The following CEP112 variants were observed in gnomAD, a reference collection of about 807,000 sequenced individuals.
The protein encoded by CEP112 is centrosomal protein 112, also known as centrosomal protein of 112 kDa.
CEP112 carries 127 observed loss-of-function variants against 153.0 expected under a neutral mutation model. The ratio of observed to expected loss-of-function variants is 0.83; its 90% CI spans 0.72 to 0.96. CEP112 has a LOEUF of 0.96. Ranked by LOEUF, CEP112 falls within the 40% of genes least tolerant of loss-of-function variation. The probability of loss-of-function intolerance (pLI) is 0.00; values close to 1 mark genes in which losing one functional copy is unlikely to be tolerated. For missense variants in CEP112, 1,089 were observed against 1,101.2 expected, an observed-to-expected ratio of 0.99 and a Z score of 0.16; for synonymous variants, 358 against 374.4, an observed-to-expected ratio of 0.96 and a Z score of 0.51.
chr17:65,644,461 G>T (rs1598174522), intron 24 of CEP112: 1 of 381,948 alleles, frequency 2.6e-6, no homozygotes, highest in Admixed American at 3.4e-5. Flanking sequence ...TGAGGATTCG[G>T]TCTTCTCACG....
chr17:66,036,813 C>A (rs751940271), intron 12 of CEP112, among the ~76,000 whole-genome samples: 46 of 152,244 alleles, frequency 3.0e-4, no homozygotes, highest in Non-Finnish European at 5.1e-4. Context: ...TGCAAAAATA[C>A]CTCGGGTAGA....
intron 24 of CEP112, among the ~76,000 whole-genome samples, chr17:65,641,987 T>TA (rs1338565196): frequency 5.9e-5 from 9 of 151,762 alleles, no homozygotes; most frequent in African/African-American, 1.2e-4. Context: ...ACTGGGCTAG[T>TA]AAAAAAAATA....
chr17:66,007,623 G>C (rs2064329638), intron 16 of CEP112, among the ~76,000 whole-genome samples: 1 of 152,068 alleles, frequency 6.6e-6, no homozygotes, highest in African/African-American at 2.4e-5. Context: ...CTAATACAAA[G>C]ATCCTGGAAA....
intron 4 of CEP112, among the ~76,000 whole-genome samples, chr17:66,155,197 A>T (rs1439261296): frequency 6.6e-6 from 1 of 152,172 alleles, no homozygotes; most frequent in East Asian, 1.9e-4. Context: ...TACCCGGCTA[A>T]TCTCACTGGG....
intron 21 of CEP112, among the ~76,000 whole-genome samples, chr17:65,789,584 G>T (rs1377013841): frequency 6.6e-6 from 1 of 151,734 alleles, no homozygotes; most frequent in Admixed American, 6.6e-5. Context: ...CCAGACTTTA[G>T]TTCCCTGAAT....
At chr17:65,804,411 GC>G (rs1461048945) in intron 21 of CEP112, 1 of 152,124 alleles carries the variant, frequency 6.6e-6, no homozygotes, top group Non-Finnish European at 1.5e-5. Context: ...TATGTTTGAA[GC>G]CCCATATCGA....
At chr17:66,134,078 G>C (rs889935444) in intron 4 of CEP112, among the ~76,000 whole-genome samples, 1 of 151,738 alleles carries the variant, frequency 6.6e-6, no homozygotes, top group Non-Finnish European at 1.5e-5. Context: ...TATGAGGAGA[G>C]GTAACCTGAT....
chr17:65,985,831 T>A (rs1341007885), intron 17 of CEP112, among the ~76,000 whole-genome samples: 1 of 142,008 alleles, frequency 7.0e-6, no homozygotes, highest in Non-Finnish European at 1.5e-5. Flanking sequence ...CAAAGCAAGC[T>A]GAGATCAAGG....
intron 4 of CEP112, among the ~76,000 whole-genome samples, chr17:66,159,306 T>C (rs1290969825): frequency 6.6e-6 from 1 of 152,210 alleles, no homozygotes; most frequent in African/African-American, 2.4e-5. Context: ...TCTGAAACTA[T>C]TCCAAACAAT....
chr17:66,015,907 C>T (rs2064751265), intron 16 of CEP112, among the ~76,000 whole-genome samples: 2 of 152,126 alleles, frequency 1.3e-5, no homozygotes, highest in African/African-American at 2.4e-5. Flanking sequence ...CTTAATATCA[C>T]CTTCCTCAAA....
intron 12 of CEP112, among the ~76,000 whole-genome samples, chr17:66,041,443 C>G (rs1027476349): frequency 6.6e-6 from 1 of 152,076 alleles, no homozygotes; most frequent in Non-Finnish European, 1.5e-5. Flanking sequence ...TTATATGTCA[C>G]TTCACTTATA....
chr17:65,738,095 A>C (rs1331140388), intron 23 of CEP112, among the ~76,000 whole-genome samples: 1 of 152,216 alleles, frequency 6.6e-6, no homozygotes, highest in Non-Finnish European at 1.5e-5. Context: ...GACATTCTTA[A>C]ACATGAAAAA....
At chr17:65,699,357 T>C (rs1446920833) in intron 23 of CEP112, among the ~76,000 whole-genome samples, 1 of 152,244 alleles carries the variant, frequency 6.6e-6, no homozygotes, top group Non-Finnish European at 1.5e-5. Context: ...TCTCAGATTT[T>C]TTTTTCCCCC....
chr17:65,701,940 C>T (rs139442376), intron 23 of CEP112, among the ~76,000 whole-genome samples: 1 of 146,552 alleles, frequency 6.8e-6, no homozygotes, highest in African/African-American at 2.5e-5. Flanking sequence ...GCTCTGTTGC[C>T]CAGGCTGTCA....
chr17:66,142,443 C>A (rs1212278524), intron 4 of CEP112, among the ~76,000 whole-genome samples: 2 of 152,198 alleles, frequency 1.3e-5, no homozygotes, highest in Non-Finnish European at 2.9e-5. Context: ...TGTCAAGAAG[C>A]TTTCCCCCTA....
At chr17:65,727,325 T>C (rs2050237626) in intron 23 of CEP112, among the ~76,000 whole-genome samples, 1 of 152,230 alleles carries the variant, frequency 6.6e-6, no homozygotes, top group Admixed American at 6.5e-5. Context: ...GCTCTTTTTG[T>C]CCACTGGGTT....
intron 17 of CEP112, among the ~76,000 whole-genome samples, chr17:65,994,413 C>T (rs2063709513): frequency 6.6e-6 from 1 of 152,002 alleles, no homozygotes; most frequent in South Asian, 2.1e-4. Context: ...CTGCAGTCTC[C>T]AACTCCTGAG....
chr17:65,789,013 G>A (rs1364081270), intron 21 of CEP112, among the ~76,000 whole-genome samples: 3 of 151,856 alleles, frequency 2.0e-5, no homozygotes, highest in Non-Finnish European at 2.9e-5. Flanking sequence ...AATCCATTCC[G>A]ATAGTAAATC....
At chr17:66,113,630 G>A (rs2069155773) in intron 6 of CEP112, among the ~76,000 whole-genome samples, 1 of 152,128 alleles carries the variant, frequency 6.6e-6, no homozygotes, top group Admixed American at 6.5e-5. Flanking sequence ...AAATAAAGAA[G>A]TTAAAGACTC....
Sources: gnomAD v4.1 joint callset for allele counts (sites outside exome capture counted in the v4.1 genomes callset) on GRCh38, gnomAD v4.1.1 for gene constraint, MANE v1.5 for transcripts, NCBI Gene and HGNC (gene_info 2026-07-23, HGNC 2026-07-21) for gene names.